The following ARMC12 variants were observed in gnomAD, a reference collection of about 807,000 sequenced individuals.
ARMC12 encodes armadillo repeat-containing protein 12.
ARMC12 carries 25 observed loss-of-function variants against 37.4 expected under a neutral mutation model. That is an observed-to-expected ratio of 0.67 (90% CI 0.49 to 0.93). The LOEUF (loss-of-function observed/expected upper bound fraction) is 0.93, where lower values mean the gene tolerates loss of function less well. Among genes scored for constraint, ARMC12 ranks in the 40% least tolerant of loss-of-function variants. The pLI is 0.00. For synonymous variants in ARMC12, 167 were observed against 176.1 expected, an observed-to-expected ratio of 0.95 and a Z score of 0.41; for missense variants, 384 against 426.6, an observed-to-expected ratio of 0.90 and a Z score of 0.88.
chr6:35,739,317 T>C (rs910640326), intron 3 of ARMC12, among the ~76,000 whole-genome samples: 2 of 151,890 alleles, frequency 1.3e-5, no homozygotes, highest in African/African-American at 2.4e-5. Context: ...TTCTAAGCTA[T>C]ATGTCTATGT....
At chr6:35,739,055 A>T (rs1590601) in intron 3 of ARMC12, among the ~76,000 whole-genome samples, 87,307 of 151,896 alleles carry the variant, frequency 0.57, 25,321 homozygotes, top group African/African-American at 0.64. Flanking sequence ...CTGGTTTTTT[A>T]TATAAAGGAC....
chr6:35,745,290 T>C (rs1767303678), intron 3 of ARMC12, among the ~76,000 whole-genome samples: 1 of 152,148 alleles, frequency 6.6e-6, no homozygotes, highest in African/African-American at 2.4e-5. Context: ...TACTTAGTAA[T>C]AAAAAGGAAT....
upstream of ARMC12, among the ~76,000 whole-genome samples, chr6:35,733,126 GGC>G (rs1467632653): frequency 6.6e-5 from 10 of 152,058 alleles, no homozygotes; most frequent in African/African-American, 2.2e-4. Context: ...GAGCCGAGAT[GGC>G]GCCACTGCAC....
At position 35,738,138 on chromosome 6, in the gene ARMC12, G is replaced by T. The variant is rs370112812; in HGVS notation, c.275G>T (p.Ser92Ile). 3 of 1,613,898 alleles carry T rather than the reference G, an allele frequency of 1.9e-6. No individual in the cohort carries two copies. Among genetic ancestry groups the T allele is most frequent in the East Asian group, 2.2e-5 (1 of 44,884 alleles). Reference protein sequence around the residue: ...DEYAKSMILHSITRCVYLLEA... With the variant: ...DEYAKSMILHIITRCVYLLEA... Reference sequence around the variant, plus strand: ...TATGCCAAGAGCATGATCCTGCACAGTATCACTCGCTGTGTGTACTTGCTG... The same window carrying T: ...TATGCCAAGAGCATGATCCTGCACATTATCACTCGCTGTGTGTACTTGCTG... The change falls in exon 2 of 6, where the codon AGT becomes ATT. Residue 92 changes from serine to isoleucine, a missense_variant. Coordinates refer to ENST00000373866, the MANE Select transcript of ARMC12 (RefSeq NM_001286574.2).
chr6:35,742,031 T>C (rs1327470415), intron 3 of ARMC12, among the ~76,000 whole-genome samples: 2 of 151,682 alleles, frequency 1.3e-5, no homozygotes, highest in East Asian at 4.0e-4. Flanking sequence ...CTAATTTTTG[T>C]ATTTTTTTAG....
rs73729781 is a variant in ARMC12, at chr6:35,748,836, A to G, written c.989A>G (p.Gln330Arg). 1,286 of 1,613,282 alleles carry G rather than the reference A, an allele frequency of 8.0e-4. 7 individuals are homozygous for G. The African/African-American group carries it at 0.016, about 20-fold the overall frequency. The change falls in exon 6 of 6, where the codon CAG becomes CGG. Residue 330 changes from glutamine to arginine, a missense_variant. By Grantham distance (43) the Gln-to-Arg change is conservative. Coordinates refer to ENST00000373866, the MANE Select transcript of ARMC12 (RefSeq NM_001286574.2). Reference sequence around the variant, plus strand: ...TTGAGAGCCCGGCCCTCCTCCTGCCAGCCCAGTCGTTCCTACTTTAAAAAC... The same window carrying G: ...TTGAGAGCCCGGCCCTCCTCCTGCCGGCCCAGTCGTTCCTACTTTAAAAAC... ...QDLRARPSSCQPSRSYFKNTE is the reference protein window; with the variant it reads ...QDLRARPSSCRPSRSYFKNTE
intron 3 of ARMC12, among the ~76,000 whole-genome samples, chr6:35,738,932 C>T (rs1160096885): frequency 6.6e-6 from 1 of 152,212 alleles, no homozygotes; most frequent in Non-Finnish European, 1.5e-5. Context: ...AATCATAGGT[C>T]TGACTTCTGA....
Position 35,747,393 on chromosome 6 carries a change from G to A in ARMC12, c.577G>A (p.Ala193Thr), listed in dbSNP as rs775303238. Residue 193 changes from alanine (A) to threonine (T), a missense_variant, in exon 4 of 6, where the codon GCC becomes ACC. Ala to Thr is a moderately conservative substitution (Grantham distance 58). Coordinates refer to ENST00000373866, the MANE Select transcript of ARMC12 (RefSeq NM_001286574.2). ...VHPQLRRVMP[A>T]LMEILQSDYI... ...TCCACAGCTGCGACGGGTGATGCCT[G>A]CCTTGATGGAGATCCTGCAGTCAGA... 4.3e-6 allele frequency: 7 copies of A among 1,614,090 alleles called. No homozygotes were observed. The South Asian group carries it at 5.5e-5, about 13-fold the overall frequency.
At chr6:35,745,434 G>C (rs1205743589) in intron 3 of ARMC12, among the ~76,000 whole-genome samples, 1 of 152,220 alleles carries the variant, frequency 6.6e-6, no homozygotes, top group Non-Finnish European at 1.5e-5. Context: ...GTCATATATA[G>C]AGATGGAAAA....
Position 35,747,425 on chromosome 6 carries a change from C to A in ARMC12, c.609C>A (p.Ile203=). ...ALMEILQSDY[I]LAQVQAVRLL... ...TGGAGATCCTGCAGTCAGACTACAT[C>A]CTGGCACAGGTGCCTGAGGACCATG... Residue 203 remains isoleucine, a synonymous_variant, in exon 4 of 6, where the codon ATC becomes ATA. Coordinates refer to ENST00000373866, the MANE Select transcript of ARMC12 (RefSeq NM_001286574.2). 6.2e-7 allele frequency: 1 copy of A among 1,614,204 alleles called. No homozygotes were observed. Among genetic ancestry groups the A allele is most frequent in the Non-Finnish European group, 8.5e-7 (1 of 1,180,018 alleles).
upstream of ARMC12, among the ~76,000 whole-genome samples, chr6:35,732,184 C>T (rs921490797): frequency 4.6e-5 from 7 of 152,202 alleles, no homozygotes; most frequent in Non-Finnish European, 8.8e-5. Flanking sequence ...GCGCCTTAGG[C>T]TGAGCTACCC....
chr6:35,748,823 CCCT>C lies in ARMC12; in HGVS notation c.983_985del (p.Ser328del). 2 of 1,613,852 alleles carry C rather than the reference CCCT, an allele frequency of 1.2e-6. No individual in the cohort carries two copies. Among genetic ancestry groups the C allele is most frequent in the South Asian group, 2.2e-5 (2 of 91,036 alleles). ...GTATCCCCAGGACTTGAGAGCCCGGCCCTCCTCCTGCCAGCCCAGTCGTTCCTA... is the reference window on the plus strand; with the variant it reads ...GTATCCCCAGGACTTGAGAGCCCGGCCCTCCTGCCAGCCCAGTCGTTCCTA... On this transcript the variant is annotated inframe_deletion, in exon 6 of 6. Coordinates refer to ENST00000373866, the MANE Select transcript of ARMC12 (RefSeq NM_001286574.2).
chr6:35,738,136 C>T lies in ARMC12; in HGVS notation c.273C>T (p.His91=). The T allele has an allele frequency of 6.2e-7, 1 of 1,613,928 alleles. No homozygotes were observed. The highest frequency in any genetic ancestry group is 1.1e-5 in the South Asian group (1 of 91,082). The change falls in exon 2 of 6, where the codon CAC becomes CAT. Residue 91 remains histidine (H), a synonymous_variant. Coordinates refer to ENST00000373866, the MANE Select transcript of ARMC12 (RefSeq NM_001286574.2). ...AGTATGCCAAGAGCATGATCCTGCA[C>T]AGTATCACTCGCTGTGTGTACTTGC... ...QDEYAKSMIL[H]SITRCVYLLE... is the part of the protein sequence containing the mutation.
rs987092646 is a variant in ARMC12, at chr6:35,748,782, T to C, written c.935T>C (p.Val312Ala). The part of the protein sequence containing the change: ...EEDVQIQACK[V>A]IVSLQYPQDL... ...GATGTTCAGATCCAGGCCTGCAAGG[T>C]CATTGTCAGCCTGCAGTATCCCCAG... Residue 312 changes from valine to alanine, a missense_variant, in exon 6 of 6, where the codon GTC (valine) becomes GCC (alanine). Physicochemically the swap from Val to Ala is moderately conservative, Grantham distance 64. Transcript: ENST00000373866. The C allele has an allele frequency of 6.2e-7, 1 of 1,614,188 alleles. No individual in the cohort carries two copies. Among genetic ancestry groups the C allele is most frequent in the African/African-American group, 1.3e-5 (1 of 75,054 alleles).
In ARMC12 at chr6:35,748,781, G is replaced by A. The variant is rs138191785; in HGVS notation, c.934G>A (p.Val312Ile). The change falls in exon 6 of 6, where the codon GTC becomes ATC. Residue 312 changes from valine to isoleucine, a missense_variant. Physicochemically the swap from Val to Ile is conservative, Grantham distance 29. Transcript: ENST00000373866. ...EEDVQIQACK[V>I]IVSLQYPQDL... is the part of the protein sequence containing the mutation. ...AGATGTTCAGATCCAGGCCTGCAAG[G>A]TCATTGTCAGCCTGCAGTATCCCCA... is the stretch of plus-strand genomic sequence containing the variant. 17 of 1,614,222 alleles carry A rather than the reference G, an allele frequency of 1.1e-5. No individual in the cohort carries two copies. The highest frequency in any genetic ancestry group is 1.4e-5 in the Non-Finnish European group (17 of 1,180,036).
upstream of ARMC12, among the ~76,000 whole-genome samples, chr6:35,734,822 AG>A (rs1331667675): frequency 6.6e-6 from 1 of 151,322 alleles, no homozygotes; most frequent in Non-Finnish European, 1.5e-5. Context: ...AAAAAAAAAA[AG>A]AAAGAAAACA....
intron 3 of ARMC12, among the ~76,000 whole-genome samples, chr6:35,739,158 G>A (rs1767090218): frequency 6.6e-6 from 1 of 152,140 alleles, no homozygotes; most frequent in Admixed American, 6.5e-5. Context: ...ACTGAGGGCT[G>A]GGCTGCTATT....
chr6:35,733,167 G>A (rs1766874672), upstream of ARMC12, among the ~76,000 whole-genome samples: 2 of 151,944 alleles, frequency 1.3e-5, no homozygotes, highest in African/African-American at 2.4e-5. Context: ...GCCAGACTCC[G>A]TCTCAAAAAA....
intron 3 of ARMC12, among the ~76,000 whole-genome samples, chr6:35,745,431 A>G (rs1411066359): frequency 1.3e-5 from 2 of 152,224 alleles, no homozygotes; most frequent in Non-Finnish European, 2.9e-5. Context: ...AAGGTCATAT[A>G]TAGAGATGGA....
Sources: allele counts gnomAD v4.1 joint callset (sites outside exome capture counted in the v4.1 genomes callset), GRCh38; gene constraint gnomAD v4.1.1; transcripts MANE v1.5; gene names NCBI Gene and HGNC (gene_info 2026-07-23, HGNC 2026-07-21).